CSK: variants seen among roughly 807,000 people sequenced by gnomAD.
CSK encodes the protein C-terminal Src kinase.
In CSK, 7 loss-of-function variants were observed where a neutral mutation model predicts 62.3. That is an observed-to-expected ratio of 0.11 (90% confidence interval 0.06 to 0.21). The LOEUF is 0.21. CSK is among the 10% of genes least tolerant of loss of function. CSK has a pLI of 1.00. For synonymous variants in CSK, 237 were observed against 246.0 expected (o/e 0.96, Z 0.34); for missense variants, 294 against 613.5 (o/e 0.48, Z 5.50).
At chr15:74,800,767 T>TG (rs751985066) in intron 7 of CSK, 21 bp downstream of exon 7, 27 of 1,584,000 alleles carry the variant, frequency 1.7e-5, no homozygotes, top group African/African-American at 1.3e-5. Flanking sequence ...CCGGGCCCCC[T>TG]GGGGGGGTTC....
At chr15:74,783,064 C>A (rs537808635) in intron 1 of CSK, among the ~76,000 whole-genome samples, 3 of 152,328 alleles carry the variant, frequency 2.0e-5, no homozygotes, top group Admixed American at 2.0e-4. Context: ...GTGCTGGACT[C>A]CCCTGCCCTT....
At chr15:74,799,570 C>A in intron 5 of CSK, 79 bp downstream of exon 5, 1 of 1,414,850 alleles carries the variant, frequency 7.1e-7, no homozygotes, top group Non-Finnish European at 9.7e-7. Context: ...CTAGCTCCAG[C>A]CCCACTGCTT....
chr15:74,787,221 G>A (rs2063536318), intron 1 of CSK, among the ~76,000 whole-genome samples: 1 of 152,166 alleles, frequency 6.6e-6, no homozygotes, highest in South Asian at 2.1e-4. Flanking sequence ...GTCAAATTCA[G>A]ACCTAAAAAT....
chr15:74,800,293 A>C (rs2063768472), intron 5 of CSK, 119 bp from the exon 6 acceptor site: 3 of 820,552 alleles, frequency 3.7e-6, no homozygotes, highest in Non-Finnish European at 6.1e-6. Context: ...AGCCCTCCCC[A>C]CTCAGTGACT....
At chr15:74,795,894 A>G (rs1286756742) in intron 1 of CSK, among the ~76,000 whole-genome samples, 1 of 152,198 alleles carries the variant, frequency 6.6e-6, no homozygotes, top group Non-Finnish European at 1.5e-5. Context: ...CTGTATTCTT[A>G]CAATAAAGTA....
At position 74,798,815 on chromosome 15, in the gene CSK, C is replaced by G; in HGVS notation, c.130-11C>G. ...GGGCCTGAGAGCATGTCTGGGCTGC[C>G]CTCTCCCCAGGACCCCAACTGGTAC... On this transcript the variant is annotated splice_polypyrimidine_tract_variant and intron_variant, in intron 3 of 12. Transcript: ENST00000220003. The surrounding 1 kb of genome is among the most constrained non-coding windows in gnomAD (Gnocchi z 6.6). 1 of 1,602,992 alleles carries G rather than the reference C, an allele frequency of 6.2e-7. No individual in the cohort carries two copies. The highest frequency in any genetic ancestry group is 8.5e-7 in the Non-Finnish European group (1 of 1,173,410).
chr15:74,789,648 G>GA (rs1261454689), intron 1 of CSK, among the ~76,000 whole-genome samples: 1 of 152,170 alleles, frequency 6.6e-6, no homozygotes, highest in Non-Finnish European at 1.5e-5. Context: ...CCCCCATCCT[G>GA]AACCTTCTTC....
In CSK at chr15:74,798,990, A is replaced by C; in HGVS notation, c.242+52A>C. 7.1e-7 allele frequency: 1 copy of C among 1,403,066 alleles called. No individual in the cohort carries two copies. The highest frequency in any genetic ancestry group is 9.4e-7 in the Non-Finnish European group (1 of 1,060,800). 86.9% of individuals were successfully genotyped at this position (1,403,066 alleles called of 1,614,324 possible). On this transcript the variant is annotated intron_variant, in intron 4 of 12. Transcript: ENST00000220003. This position sits in a 1 kb window ranked among gnomAD's most constrained non-coding sequence, Gnocchi z 6.6. ...AGGGAAGGGGCCTTGGTCCTCCTGAAGGAGCATCAGGAGCAAGCAGGGAGG... is the reference window on the plus strand; with the variant it reads ...AGGGAAGGGGCCTTGGTCCTCCTGACGGAGCATCAGGAGCAAGCAGGGAGG...
rs1280103146 is a variant in CSK at position 74,786,014 on chromosome 15, TG to T, written c.-66+3295del. ...TCTCTCTCTCTCTCTTTTTTTTTTTTGTGTGTGTGTGTGTGTGTGTGTGTGT... is the reference window on the plus strand; with the variant it reads ...TCTCTCTCTCTCTCTTTTTTTTTTTTTGTGTGTGTGTGTGTGTGTGTGTGT... On this transcript the variant is annotated intron_variant, in intron 1 of 12. Coordinates refer to ENST00000220003, the MANE Select transcript of CSK (RefSeq NM_004383.3). 8.0e-3 allele frequency among the ~76,000 whole-genome samples: 631 copies of T among 78,712 alleles called. 5 individuals are homozygous for T. Among genetic ancestry groups the T allele is most frequent in the African/African-American group, 0.027 (399 of 14,772 alleles). The allele number at this position is 78,712 out of a possible 152,430, so 51.6% of individuals were successfully genotyped here.
Position 74,798,563 on chromosome 15 carries a change from G to A in CSK, c.16-52G>A. On this transcript the variant is annotated intron_variant, in intron 2 of 12. Coordinates refer to ENST00000220003, the MANE Select transcript of CSK (RefSeq NM_004383.3). This position sits in a 1 kb window ranked among gnomAD's most constrained non-coding sequence, Gnocchi z 6.6. ...TGTGACCACGAGGGTGCGCCAGCAG[G>A]TGGCTGGAGGGGGCCCAGGCTGCAC... is the stretch of plus-strand genomic sequence containing the variant. The A allele has an allele frequency of 6.6e-7, 1 of 1,523,174 alleles. No individual in the cohort carries two copies. The highest frequency in any genetic ancestry group is 1.7e-5 in the Admixed American group (1 of 58,584). The allele number at this position is 1,523,174 out of a possible 1,614,324, so 94.4% of individuals were successfully genotyped here. A position where few individuals can be genotyped will look rare whatever the true frequency, so the allele number is the denominator to read the frequency against.
chr15:74,789,552 C>A (rs1249453933), intron 1 of CSK, among the ~76,000 whole-genome samples: 2 of 152,212 alleles, frequency 1.3e-5, no homozygotes, highest in South Asian at 2.1e-4. Context: ...GTGCACTGCC[C>A]TTTGGAGGGG....
chr15:74,790,900 C>T (rs1047897447), intron 1 of CSK: 1 of 152,196 alleles, frequency 6.6e-6, no homozygotes, highest in Non-Finnish European at 1.5e-5. Context: ...CCTTGGAGGC[C>T]TCGGCAGCCA....
At position 74,800,999 on chromosome 15, in the gene CSK, C is replaced by T. The variant is rs375031005; in HGVS notation, c.723-13C>T. On this transcript the variant is annotated splice_polypyrimidine_tract_variant and intron_variant, in intron 8 of 12. Coordinates refer to ENST00000220003, the MANE Select transcript of CSK (RefSeq NM_004383.3). Reference sequence around the variant, plus strand: ...CCAGCTTCCCCTTTCTGACCACTCTCGTCCTGCCCCAGGCAACTGCGGCAT... The same window carrying T: ...CCAGCTTCCCCTTTCTGACCACTCTTGTCCTGCCCCAGGCAACTGCGGCAT... 19 of 1,613,032 alleles carry T rather than the reference C, an allele frequency of 1.2e-5. No homozygotes were observed. The highest frequency in any genetic ancestry group is 9.9e-5 in the South Asian group (9 of 91,084).
At position 74,782,989 on chromosome 15, in the gene CSK, C is replaced by G. The variant is rs990648178; in HGVS notation, c.-66+269C>G. Reference sequence around the variant, plus strand: ...ATCCCGAGTCCCCCCCTCTGTGGAGCTCAGAGTAGGAGGTGGCTGGAGTCT... The same window carrying G: ...ATCCCGAGTCCCCCCCTCTGTGGAGGTCAGAGTAGGAGGTGGCTGGAGTCT... On this transcript the variant is annotated intron_variant, in intron 1 of 12. Coordinates refer to ENST00000220003, the MANE Select transcript of CSK (RefSeq NM_004383.3). The surrounding 1 kb of genome is among the most constrained non-coding windows in gnomAD (Gnocchi z 5.7). Among the ~76,000 whole-genome samples the G allele has an allele frequency of 6.6e-6, 1 of 152,236 alleles. No individual in the cohort carries two copies. Among genetic ancestry groups the G allele is most frequent in the Non-Finnish European group, 1.5e-5 (1 of 68,042 alleles).
In CSK at chr15:74,798,784, G is replaced by A. The variant is rs2063745180; in HGVS notation, c.130-42G>A. The A allele has an allele frequency of 6.2e-7, 1 of 1,606,742 alleles. No individual in the cohort carries two copies. The highest frequency in any genetic ancestry group is 1.3e-5 in the African/African-American group (1 of 74,968). On this transcript the variant is annotated intron_variant, in intron 3 of 12. Coordinates refer to ENST00000220003, the MANE Select transcript of CSK (RefSeq NM_004383.3). This position sits in a 1 kb window ranked among gnomAD's most constrained non-coding sequence, Gnocchi z 6.6. ...ACTGCTGGGCCTTCCCTCTGCAGGGGGAGGTGGGCCTGAGAGCATGTCTGG... is the reference window on the plus strand; with the variant it reads ...ACTGCTGGGCCTTCCCTCTGCAGGGAGAGGTGGGCCTGAGAGCATGTCTGG...
At position 74,799,072 on chromosome 15, in the gene CSK, G is replaced by A. The variant is rs925064398; in HGVS notation, c.242+134G>A. 4.3e-5 allele frequency: 42 copies of A among 985,842 alleles called. No homozygotes were observed. In the East Asian group the frequency reaches 5.0e-4, roughly 12 times the overall value. 61.1% of individuals were successfully genotyped at this position (985,842 alleles called of 1,614,324 possible). On this transcript the variant is annotated intron_variant, in intron 4 of 12. Transcript: ENST00000220003. The stretch of plus-strand genomic sequence containing the variant: ...CCTCAGGAGGAGGTGCAGGGTGCGG[G>A]TGCGGGACCTCACAGAGCAGGGCTG...
At chr15:74,799,554 T>G in intron 5 of CSK, 63 bp downstream of exon 5, 56 of 1,462,078 alleles carry the variant, frequency 3.8e-5, no homozygotes, top group Non-Finnish European at 4.8e-5. Context: ...TCTGGGGCCC[T>G]GGCTTCTAGC....
In CSK at chr15:74,798,555, G is replaced by T; in HGVS notation, c.16-60G>T. 2 of 1,477,020 alleles carry T rather than the reference G, an allele frequency of 1.4e-6. No individual in the cohort carries two copies. The highest frequency in any genetic ancestry group is 1.9e-6 in the Non-Finnish European group (2 of 1,062,786). The allele number at this position is 1,477,020 out of a possible 1,614,324, so 91.5% of individuals were successfully genotyped here. On this transcript the variant is annotated intron_variant, in intron 2 of 12. Coordinates refer to ENST00000220003, the MANE Select transcript of CSK (RefSeq NM_004383.3). The surrounding 1 kb of genome is among the most constrained non-coding windows in gnomAD (Gnocchi z 6.6). ...TCAGAGGCTGTGACCACGAGGGTGC[G>T]CCAGCAGGTGGCTGGAGGGGGCCCA...
chr15:74,789,118 G>C (rs1348418935), intron 1 of CSK, among the ~76,000 whole-genome samples: 1 of 152,208 alleles, frequency 6.6e-6, no homozygotes, highest in African/African-American at 2.4e-5. Context: ...TGAACCATTG[G>C]GGGCAGGGGA....
Sources: allele counts gnomAD v4.1 joint callset (sites outside exome capture counted in the v4.1 genomes callset), GRCh38; gene constraint gnomAD v4.1.1; non-coding constraint Gnocchi (gnomAD v3.1); transcripts MANE v1.5; gene names NCBI Gene and HGNC (gene_info 2026-07-23, HGNC 2026-07-21).